The following KCNMA1 variants were observed in gnomAD, a reference collection of about 807,000 sequenced individuals.
KCNMA1 encodes potassium calcium-activated channel subfamily M alpha 1.
KCNMA1 carries 29 observed loss-of-function variants against 140.0 expected under a neutral mutation model. The observed-to-expected ratio is 0.21, with a 90% CI of 0.15 to 0.28. The LOEUF (loss-of-function observed/expected upper bound fraction) is 0.28. Among genes scored for constraint, KCNMA1 ranks in the 10% least tolerant of loss-of-function variants. The pLI is 1.00. For synonymous variants in KCNMA1, 612 were observed against 611.9 expected (o/e 1.00, Z 0.00); for missense variants, 880 against 1,602.2 (o/e 0.55, Z 7.70).
chr10:77,486,857 T>G (rs1476639650), intron 1 of KCNMA1, among the ~76,000 whole-genome samples: 1 of 152,170 alleles, frequency 6.6e-6, no homozygotes, highest in Non-Finnish European at 1.5e-5. Context: ...GGGTTTCCCT[T>G]CCTCCCTAGT....
At chr10:77,569,560 C>T (rs2070048982) in intron 1 of KCNMA1, among the ~76,000 whole-genome samples, 1 of 151,454 alleles carries the variant, frequency 6.6e-6, no homozygotes, top group Admixed American at 6.6e-5. Context: ...TGGATCCCTT[C>T]CTTACACCTT....
At chr10:77,531,966 A>G (rs2057736635) in intron 1 of KCNMA1, among the ~76,000 whole-genome samples, 1 of 152,220 alleles carries the variant, frequency 6.6e-6, no homozygotes. Flanking sequence ...CCAATTACAG[A>G]GCTATGCCCT....
At chr10:77,162,622 T>C (rs1430248181) in intron 5 of KCNMA1, among the ~76,000 whole-genome samples, 2 of 152,210 alleles carry the variant, frequency 1.3e-5, no homozygotes, top group Admixed American at 6.5e-5. Context: ...TTTTTTTAAA[T>C]CTTTCTTTCT....
intron 19 of KCNMA1, chr10:76,979,398 G>A (rs894666559): frequency 2.6e-5 from 4 of 152,092 alleles, no homozygotes; most frequent in African/African-American, 9.7e-5. Flanking sequence ...TTAACACAAT[G>A]TTGATTTACA....
intron 14 of KCNMA1, among the ~76,000 whole-genome samples, chr10:77,072,772 C>T (rs535770820): frequency 1.3e-5 from 2 of 152,210 alleles, no homozygotes; most frequent in East Asian, 1.9e-4. Flanking sequence ...TTTCTTTAGG[C>T]GCTCTGTTGC....
chr10:77,508,571 T>TTTTTTC (rs2047054016), intron 1 of KCNMA1, among the ~76,000 whole-genome samples: 1 of 124,000 alleles, frequency 8.1e-6, no homozygotes, highest in African/African-American at 3.4e-5. Flanking sequence ...TTTTCTTTTT[T>TTTTTTC]TTTTCTTTTC....
chr10:77,450,869 G>A (rs1603623580), intron 1 of KCNMA1, among the ~76,000 whole-genome samples: 1 of 152,276 alleles, frequency 6.6e-6, no homozygotes, highest in South Asian at 2.1e-4. Context: ...CCCAGTCAGG[G>A]GTAACAGAAT....
At chr10:77,634,593 T>C (rs1176374079) in intron 1 of KCNMA1, 7 of 985,142 alleles carry the variant, frequency 7.1e-6, no homozygotes, top group Non-Finnish European at 8.4e-6. Context: ...TCAAACCATC[T>C]TGGGGCTGAA....
chr10:77,448,494 T>C (rs769933061), intron 1 of KCNMA1, among the ~76,000 whole-genome samples: 1 of 152,178 alleles, frequency 6.6e-6, no homozygotes, highest in Non-Finnish European at 1.5e-5. Context: ...AGGCTATTGT[T>C]GACATAGTCA....
At chr10:76,874,013 G>A (rs905913784), downstream of KCNMA1, 1 of 151,922 alleles carries the variant, frequency 6.6e-6, no homozygotes, top group Non-Finnish European at 1.5e-5. Flanking sequence ...CTAGGAATTG[G>A]AGACATGGCA....
intron 19 of KCNMA1, among the ~76,000 whole-genome samples, chr10:76,981,312 G>A (rs1592686731): frequency 6.6e-6 from 1 of 151,940 alleles, no homozygotes; most frequent in African/African-American, 2.4e-5. Context: ...AAGTGCTCAA[G>A]TCAAATAATT....
chr10:77,012,597 T>G, intron 17 of KCNMA1: 1 of 1,498,560 alleles, frequency 6.7e-7, no homozygotes, highest in Non-Finnish European at 9.1e-7. Flanking sequence ...GTCAGTGGGT[T>G]CCTCTGTCAA....
chr10:76,963,426 T>C (rs527403139), intron 20 of KCNMA1, among the ~76,000 whole-genome samples: 18 of 152,334 alleles, frequency 1.2e-4, no homozygotes, highest in African/African-American at 2.4e-5. Flanking sequence ...GAACCACCAC[T>C]ATAAAGTTTT....
At chr10:77,011,844 A>G (rs2090839945) in intron 18 of KCNMA1, 123 bp downstream of exon 18, 5 of 868,124 alleles carry the variant, frequency 5.8e-6, no homozygotes, top group Non-Finnish European at 9.7e-6. Flanking sequence ...TGCTGGGTGA[A>G]ACATAAACAT....
chr10:77,034,517 T>A (rs2094182606), intron 15 of KCNMA1, among the ~76,000 whole-genome samples: 1 of 152,204 alleles, frequency 6.6e-6, no homozygotes, highest in South Asian at 2.1e-4. Flanking sequence ...TTTAAAGATC[T>A]GTCTGTGCAA....
intron 5 of KCNMA1, among the ~76,000 whole-genome samples, chr10:77,145,205 T>G (rs1323090108): frequency 6.6e-6 from 1 of 152,188 alleles, no homozygotes. Flanking sequence ...GGGGATTTGG[T>G]TCCTGGCATC....
Position 77,363,634 on chromosome 10 carries a change from C to T in KCNMA1, c.540+40228G>A, listed in dbSNP as rs1274467758. Among the ~76,000 whole-genome samples the T allele has an allele frequency of 5.9e-5, 9 of 152,194 alleles. No individual in the cohort carries two copies. In the East Asian group the frequency reaches 1.2e-3, roughly 20 times the overall value. On this transcript the variant is annotated intron_variant, in intron 2 of 27. Coordinates refer to ENST00000286628, the MANE Select transcript of KCNMA1 (RefSeq NM_001161352.2). ...ACAAAGCCCACATGCTCTTGCCCTC[C>T]TCTCCAGCCTCCTTCATGCCAGTCA... is the stretch of plus-strand genomic sequence containing the variant.
intron 19 of KCNMA1, among the ~76,000 whole-genome samples, chr10:76,997,026 G>A (rs142896139): frequency 2.8e-4 from 43 of 152,208 alleles, no homozygotes; most frequent in African/African-American, 9.4e-4. Flanking sequence ...CCCTGCCCTT[G>A]TATCTGATTT....
chr10:77,049,454 C>G (rs552817500), intron 14 of KCNMA1, among the ~76,000 whole-genome samples: 1 of 152,310 alleles, frequency 6.6e-6, no homozygotes, highest in South Asian at 2.1e-4. Flanking sequence ...TAAGTACCAT[C>G]ACAGCATTTG....
Sources: allele counts gnomAD v4.1 joint callset (sites outside exome capture counted in the v4.1 genomes callset), GRCh38; gene constraint gnomAD v4.1.1; transcripts MANE v1.5; gene names NCBI Gene and HGNC (gene_info 2026-07-23, HGNC 2026-07-21).